Variants in NKAIN3 observed in about 807,000 individuals in gnomAD.
NKAIN3 encodes sodium/potassium-transporting ATPase subunit beta-1-interacting protein 3.
In NKAIN3, 25 loss-of-function variants were observed where a neutral mutation model predicts 30.2. The ratio of observed to expected loss-of-function variants is 0.83; its 90% CI spans 0.60 to 1.16. The LOEUF is 1.16. NKAIN3 is among the 50% of genes most tolerant of loss of function. NKAIN3 has a pLI of 0.00. For missense variants in NKAIN3, 225 were observed against 254.1 expected, an observed-to-expected ratio of 0.89 and a Z score of 0.78; for synonymous variants, 91 against 89.6, an observed-to-expected ratio of 1.02 and a Z score of -0.09.
intron 1 of NKAIN3, among the ~76,000 whole-genome samples, chr8:62,532,155 T>C (rs1042895819): frequency 2.6e-5 from 4 of 152,166 alleles, no homozygotes; most frequent in African/African-American, 9.7e-5. Flanking sequence ...TATTAAACTA[T>C]TGTTTGTCGG....
intron 1 of NKAIN3, among the ~76,000 whole-genome samples, chr8:62,410,147 C>A (rs78942366): frequency 0.029 from 4,347 of 151,976 alleles, 107 homozygotes; most frequent in African/African-American, 0.06. Context: ...TTTCCATGTT[C>A]ATGTCCATGT....
At chr8:62,494,483 ATTTG>A (rs1807172618) in intron 1 of NKAIN3, among the ~76,000 whole-genome samples, 1 of 151,822 alleles carries the variant, frequency 6.6e-6, no homozygotes, top group Non-Finnish European at 1.5e-5. Flanking sequence ...AGTTTTCTTT[ATTTG>A]TTGTGTCTCT....
At chr8:62,504,579 T>C (rs1807572998) in intron 1 of NKAIN3, among the ~76,000 whole-genome samples, 1 of 152,166 alleles carries the variant, frequency 6.6e-6, no homozygotes, top group Non-Finnish European at 1.5e-5. Flanking sequence ...CCTTATTTGT[T>C]CCTGGATTGT....
At chr8:62,444,872 A>G (rs1458899426) in intron 1 of NKAIN3, among the ~76,000 whole-genome samples, 2 of 152,102 alleles carry the variant, frequency 1.3e-5, no homozygotes, top group Non-Finnish European at 2.9e-5. Flanking sequence ...AGCATCCATT[A>G]TTCCCTGTCT....
chr8:62,987,521 G>A (rs1824227271), downstream of NKAIN3, among the ~76,000 whole-genome samples: 1 of 152,054 alleles, frequency 6.6e-6, no homozygotes, highest in Admixed American at 6.6e-5. Flanking sequence ...AGGAGCAAAG[G>A]CACGTCTTAC....
At chr8:62,749,681 T>TTC (rs1177351904) in intron 4 of NKAIN3, among the ~76,000 whole-genome samples, 7 of 71,328 alleles carry the variant, frequency 9.8e-5, no homozygotes, top group Admixed American at 1.4e-4. Context: ...TTTCTTTTCT[T>TTC]TTTTTTTTTT....
intron 4 of NKAIN3, among the ~76,000 whole-genome samples, chr8:62,750,912 A>G (rs1816259908): frequency 6.6e-6 from 1 of 151,964 alleles, no homozygotes. Context: ...TTCTCACCTG[A>G]AGCTGGCCAG....
chr8:62,867,404 TC>T (rs1439774819), intron 4 of NKAIN3, among the ~76,000 whole-genome samples: 1 of 152,144 alleles, frequency 6.6e-6, no homozygotes, highest in African/African-American at 2.4e-5. Flanking sequence ...CAGTGTATAA[TC>T]AGTACATGAT....
intron 3 of NKAIN3, among the ~76,000 whole-genome samples, chr8:62,648,910 T>TTGGGAGA (rs1812547519): frequency 6.6e-6 from 1 of 152,002 alleles, no homozygotes; most frequent in Non-Finnish European, 1.5e-5. Context: ...GAGGGTGGTG[T>TTGGGAGA]TGGGAGATGG....
At chr8:62,926,734 A>C (rs1395272080) in intron 5 of NKAIN3, among the ~76,000 whole-genome samples, 2 of 152,090 alleles carry the variant, frequency 1.3e-5, no homozygotes, top group Admixed American at 6.5e-5. Flanking sequence ...CTGTCACACA[A>C]AAAAATAAAA....
At chr8:62,951,429 G>A (rs1231857888) in intron 5 of NKAIN3, among the ~76,000 whole-genome samples, 1 of 152,082 alleles carries the variant, frequency 6.6e-6, no homozygotes, top group African/African-American at 2.4e-5. Context: ...CATAGAATTA[G>A]CATAAGCCTT....
chr8:62,577,974 G>A (rs1276275983), intron 1 of NKAIN3, among the ~76,000 whole-genome samples: 2 of 151,960 alleles, frequency 1.3e-5, no homozygotes, highest in African/African-American at 2.4e-5. Flanking sequence ...TTATGTCCAA[G>A]GAAATTAAAG....
At chr8:62,728,204 C>T (rs927040499) in intron 3 of NKAIN3, among the ~76,000 whole-genome samples, 1 of 151,874 alleles carries the variant, frequency 6.6e-6, no homozygotes, top group African/African-American at 2.4e-5. Flanking sequence ...ACTATATACT[C>T]CTAGATCATC....
In NKAIN3 at chr8:62,796,690, A is replaced by G. The variant is rs570110928; in HGVS notation, c.471+49561A>G. On this transcript the variant is annotated intron_variant, in intron 4 of 6. Transcript: ENST00000623646. ...AACCTATCTTGTACTGTGCAGAGGA[A>G]CAAGTATGTACAGGATAGTAAGCAC... Among the ~76,000 whole-genome samples the G allele has an allele frequency of 2.6e-5, 4 of 152,190 alleles. No individual in the cohort carries two copies. The South Asian group carries it at 8.3e-4, about 32-fold the overall frequency.
intron 5 of NKAIN3, among the ~76,000 whole-genome samples, chr8:62,947,197 A>G (rs1823149774): frequency 6.6e-6 from 1 of 152,198 alleles, no homozygotes; most frequent in Non-Finnish European, 1.5e-5. Context: ...CTGTGATCCT[A>G]AAGATAATAA....
At chr8:62,250,496 G>A (rs918799571) in intron 1 of NKAIN3, among the ~76,000 whole-genome samples, 3 of 152,150 alleles carry the variant, frequency 2.0e-5, no homozygotes, top group Non-Finnish European at 2.9e-5. Context: ...GAAGGCAGGA[G>A]CTTGATTTGT....
In NKAIN3 at chr8:62,936,186, G is replaced by A. The variant is rs531852153; in HGVS notation, c.532+17673G>A. Among the ~76,000 whole-genome samples the A allele has an allele frequency of 9.9e-5, 15 of 152,218 alleles. No individual in the cohort carries two copies. In the South Asian group the frequency reaches 1.5e-3, roughly 15 times the overall value. On this transcript the variant is annotated intron_variant, in intron 5 of 6. Coordinates refer to ENST00000623646, the MANE Select transcript of NKAIN3 (RefSeq NM_001304533.3). ...AGAACTTGGCCATCTTCGTGATTTC[G>A]CAGCTACATCAAGTGCAAGCACAGG... is the stretch of plus-strand genomic sequence containing the variant.
At chr8:62,962,582 G>T (rs939729255) in intron 6 of NKAIN3, among the ~76,000 whole-genome samples, 2 of 152,154 alleles carry the variant, frequency 1.3e-5, no homozygotes, top group African/African-American at 4.8e-5. Flanking sequence ...GCCACTGTGG[G>T]ATATTTAACA....
chr8:62,863,074 A>T, intron 4 of NKAIN3: 2 of 1,046,604 alleles, frequency 1.9e-6, no homozygotes, highest in South Asian at 1.3e-5. Context: ...TCTGTATCAT[A>T]TATCTCTCAA....
Sources: allele counts gnomAD v4.1 joint callset (sites outside exome capture counted in the v4.1 genomes callset), GRCh38; gene constraint gnomAD v4.1.1; transcripts MANE v1.5; gene names NCBI Gene and HGNC (gene_info 2026-07-23, HGNC 2026-07-21).